Variants in TRPM7 observed in about 807,000 individuals in gnomAD.
The protein encoded by TRPM7 is LTRPC ion channel family member 7.
Under a neutral mutation model 229.7 loss-of-function variants are expected in TRPM7, and 134 were observed. That is an observed-to-expected ratio of 0.58 (90% CI 0.51 to 0.67). The LOEUF (loss-of-function observed/expected upper bound fraction) is 0.67, where lower values mean the gene tolerates loss of function less well. Among genes scored for constraint, TRPM7 ranks in the 30% least tolerant of loss-of-function variants. TRPM7 has a pLI of 0.00. For missense variants in TRPM7, 1,901 were observed against 2,210.0 expected, an observed-to-expected ratio of 0.86 and a Z score of 2.80; for synonymous variants, 699 against 715.2, an observed-to-expected ratio of 0.98 and a Z score of 0.36.
intron 13 of TRPM7, among the ~76,000 whole-genome samples, chr15:50,615,207 T>C (rs141763553): frequency 6.8e-6 from 1 of 148,040 alleles, no homozygotes; most frequent in African/African-American, 2.5e-5. Context: ...GTGGAAATGC[T>C]AATCAGCCAA....
chr15:50,591,094 G>A (rs73395523), intron 26 of TRPM7, among the ~76,000 whole-genome samples: 3,092 of 152,064 alleles, frequency 0.02, 119 homozygotes, highest in African/African-American at 0.071. Context: ...AGCTATCATA[G>A]GTATAAGAAT....
chr15:50,575,071 A>C lies in TRPM7; in HGVS notation c.4800T>G (p.Ser1600=). The C allele has an allele frequency of 6.2e-7, 1 of 1,614,122 alleles. No homozygotes were observed. The highest frequency in any genetic ancestry group is 8.5e-7 in the Non-Finnish European group (1 of 1,179,966). ...SSPNILNNSM[S]SWSQLGLCAK... is the part of the protein sequence containing the mutation. The stretch of plus-strand genomic sequence containing the variant: ...CACAGAGGCCTAGTTGTGACCAAGA[A>C]GACATGCTGTTATTTAGTATGTTGG... Residue 1600 remains serine (S), a synonymous_variant, in exon 34 of 39, where the codon TCT becomes TCG. Transcript: ENST00000646667.
chr15:50,631,277 G>A (rs2060722157), intron 10 of TRPM7, 140 bp downstream of exon 10: 1 of 432,554 alleles, frequency 2.3e-6, no homozygotes, highest in South Asian at 9.2e-5. Context: ...AAAGAAAAAT[G>A]ACTGAAAATT....
chr15:50,574,551 A>C, intron 35 of TRPM7, 72 bp from the exon 36 acceptor site: 1 of 1,545,980 alleles, frequency 6.5e-7, no homozygotes, highest in Middle Eastern at 1.7e-4. Context: ...CAAAATGGAT[A>C]ATTAAATATT....
At chr15:50,623,524 A>G (rs2060477944) in intron 12 of TRPM7, among the ~76,000 whole-genome samples, 1 of 145,318 alleles carries the variant, frequency 6.9e-6, no homozygotes, top group South Asian at 2.2e-4. Flanking sequence ...GGGGGGCAAT[A>G]AAAAGGCCAA....
intron 29 of TRPM7, chr15:50,582,490 G>C (rs16963778): frequency 9.2e-5 from 14 of 152,106 alleles, no homozygotes; most frequent in African/African-American, 3.4e-4. Context: ...GGTCATCTTC[G>C]GTTAGGCTTT....
At chr15:50,580,804 A>ATGTAAAGAT in intron 30 of TRPM7, 70 bp downstream of exon 30, 1 of 1,402,546 alleles carries the variant, frequency 7.1e-7, no homozygotes, top group Non-Finnish European at 9.7e-7. Flanking sequence ...TGATGTAAAG[A>ATGTAAAGAT]GCAGGAAAAA....
At position 50,637,718 on chromosome 15, in the gene TRPM7, AC is replaced by A. The variant is rs2060949532; in HGVS notation, c.661-126del. 8.4e-6 allele frequency: 7 copies of A among 837,576 alleles called. No homozygotes were observed. In the East Asian group the frequency reaches 1.9e-4, roughly 23 times the overall value. 51.9% of individuals were successfully genotyped at this position (837,576 alleles called of 1,614,324 possible). The stretch of plus-strand genomic sequence containing the variant: ...TTCTATTTTACATACAGAAATAAAT[AC>A]CAAATGACAAAGAATGTTTCAAAAA... On this transcript the variant is annotated intron_variant, in intron 6 of 38. Coordinates refer to ENST00000646667, the MANE Select transcript of TRPM7 (RefSeq NM_017672.6).
intron 21 of TRPM7, among the ~76,000 whole-genome samples, chr15:50,601,605 G>C (rs1453257155): frequency 6.6e-6 from 1 of 152,094 alleles, no homozygotes; most frequent in Non-Finnish European, 1.5e-5. Context: ...TCGCGCCACT[G>C]AACTCCAGCC....
intron 28 of TRPM7, among the ~76,000 whole-genome samples, chr15:50,585,093 C>T (rs921662736): frequency 3.3e-5 from 4 of 122,688 alleles, no homozygotes; most frequent in African/African-American, 1.3e-4. Flanking sequence ...CTCGCTCTGT[C>T]GCCCAGGCCG....
intron 21 of TRPM7, among the ~76,000 whole-genome samples, chr15:50,603,387 T>C (rs1029038611): frequency 7.9e-5 from 12 of 152,238 alleles, no homozygotes; most frequent in African/African-American, 2.4e-4. Context: ...TACATATGTA[T>C]ACATGTGCCA....
chr15:50,664,157 G>C lies in TRPM7; in HGVS notation c.4-1111C>G, dbSNP rs140262803. ...TACTAAAAATACAAAAATTAGCTGG[G>C]TGTGGTGGCGTGTGCCTGTAATCCC... is the stretch of plus-strand genomic sequence containing the variant. On this transcript the variant is annotated intron_variant, in intron 1 of 38. Transcript: ENST00000646667. 8.6e-3 allele frequency among the ~76,000 whole-genome samples: 1,302 copies of C among 151,888 alleles called. 10 individuals are homozygous for C. The highest frequency in any genetic ancestry group is 0.012 in the Non-Finnish European group (785 of 67,928).
chr15:50,646,385 T>G (rs2061265919), intron 4 of TRPM7, among the ~76,000 whole-genome samples: 1 of 152,264 alleles, frequency 6.6e-6, no homozygotes, highest in Non-Finnish European at 1.5e-5. Context: ...CAGGCTCAAC[T>G]GATCCTCCTG....
At chr15:50,638,175 C>T (rs911595423) in intron 6 of TRPM7, among the ~76,000 whole-genome samples, 77 of 150,946 alleles carry the variant, frequency 5.1e-4, no homozygotes, top group African/African-American at 1.7e-3. Flanking sequence ...CTGGCTAACA[C>T]GGTGAAACCC....
intron 7 of TRPM7, among the ~76,000 whole-genome samples, chr15:50,636,455 T>G (rs988487098): frequency 6.6e-6 from 1 of 152,200 alleles, no homozygotes; most frequent in Admixed American, 6.5e-5. Context: ...CCTCCCAAAG[T>G]GCTGCGATTA....
At chr15:50,612,224 G>A (rs28422095) in intron 16 of TRPM7, among the ~76,000 whole-genome samples, 3,110 of 152,164 alleles carry the variant, frequency 0.02, 122 homozygotes, top group African/African-American at 0.072. Context: ...CTGAGTAGCT[G>A]GGACCACAGA....
In TRPM7 at chr15:50,575,865, T is replaced by C. The variant is rs148080339; in HGVS notation, c.4669+4A>G. On this transcript the variant is annotated splice_donor_region_variant and intron_variant, in intron 32 of 38. Coordinates refer to ENST00000646667, the MANE Select transcript of TRPM7 (RefSeq NM_017672.6). ...TATTAAATTTTGTTTTTAATATTACTGACCTGAATAATAGTAATTTGTATC... is the reference window on the plus strand; with the variant it reads ...TATTAAATTTTGTTTTTAATATTACCGACCTGAATAATAGTAATTTGTATC... 1.5e-5 allele frequency: 24 copies of C among 1,613,014 alleles called. No individual in the cohort carries two copies. The African/African-American group carries it at 2.9e-4, about 20-fold the overall frequency.
intron 1 of TRPM7, among the ~76,000 whole-genome samples, chr15:50,683,437 TAA>T (rs60201611): frequency 2.1e-5 from 3 of 144,068 alleles, no homozygotes; most frequent in African/African-American, 2.5e-5. Context: ...TCTTAACATT[TAA>T]AAAAAAAAAA....
chr15:50,629,175 T>C lies in TRPM7; in HGVS notation c.1205-926A>G, dbSNP rs1301455516. On this transcript the variant is annotated intron_variant, in intron 10 of 38. Transcript: ENST00000646667. ...TACAAGGATATATACTTTAAGGTTT[T>C]TGATATACTCCAAAATACTTCAGAT... Among the ~76,000 whole-genome samples the C allele has an allele frequency of 1.3e-5, 2 of 151,070 alleles. 1 individual carries two copies. The highest frequency in any genetic ancestry group is 4.9e-5 in the African/African-American group (2 of 40,706).
Sources: gnomAD v4.1 joint callset for allele counts (sites outside exome capture counted in the v4.1 genomes callset) on GRCh38, gnomAD v4.1.1 for gene constraint, MANE v1.5 for transcripts, NCBI Gene and HGNC (gene_info 2026-07-23, HGNC 2026-07-21) for gene names.